Variants in IL5 observed in about 807,000 individuals in gnomAD.
IL5 encodes the protein interleukin-5.
IL5 carries 12 observed loss-of-function variants against 16.3 expected under a neutral mutation model. That is an observed-to-expected ratio of 0.74 (90% confidence interval 0.47 to 1.20). The LOEUF (loss-of-function observed/expected upper bound fraction) is 1.20, where lower values mean the gene tolerates loss of function less well. Ranked by LOEUF, IL5 falls within the 50% of genes most tolerant of loss-of-function variation. IL5 has a pLI of 0.00. For synonymous variants in IL5, 54 were observed against 56.6 expected (o/e 0.95, Z 0.21); for missense variants, 159 against 153.9 (o/e 1.03, Z -0.17).
chr5:132,552,543 GA>G (rs968327218), intron 1 of IL5, among the ~76,000 whole-genome samples: 7 of 151,994 alleles, frequency 4.6e-5, no homozygotes, highest in African/African-American at 1.7e-4. Context: ...TTACAAAGTT[GA>G]AATTTTTTTG....
chr5:132,543,136 A>G lies in IL5; in HGVS notation c.145-10T>C. ...CAGGAATCCTCAGAGTCTGGAGAGG[A>G]AAGGAAATACAATCATTTTTACAGC... is the stretch of plus-strand genomic sequence containing the variant. On this transcript the variant is annotated splice_polypyrimidine_tract_variant and intron_variant, in intron 1 of 3. Coordinates refer to ENST00000231454, the MANE Select transcript of IL5 (RefSeq NM_000879.3). 2 of 1,605,780 alleles carry G rather than the reference A, an allele frequency of 1.2e-6. No individual in the cohort carries two copies. Among genetic ancestry groups the G allele is most frequent in the Non-Finnish European group, 1.7e-6 (2 of 1,173,372 alleles).
rs374667414 is a variant in IL5, at chr5:132,543,174, A to C, written c.145-48T>G. 15 of 1,559,186 alleles carry C rather than the reference A, an allele frequency of 9.6e-6. No homozygotes were observed. In the African/African-American group the frequency reaches 1.9e-4, roughly 20 times the overall value. On this transcript the variant is annotated intron_variant, in intron 1 of 3. Coordinates refer to ENST00000231454, the MANE Select transcript of IL5 (RefSeq NM_000879.3). ...TCATTTTTACAGCACACCAGCATTC[A>C]TAACTTTTAACAGAATGTTTGCTGG... is the stretch of plus-strand genomic sequence containing the variant.
In IL5 at chr5:132,541,647, T is replaced by G. The variant is rs201159805; in HGVS notation, c.*164A>C. On this transcript the variant is annotated 3_prime_UTR_variant, in exon 4 of 4. Transcript: ENST00000231454. ...GATATCTGAAATATATTTTAAGAAT[T>G]TTATGCTTTCTGGCAAAGTGTCAGT... The G allele has an allele frequency of 5.7e-5, 29 of 505,106 alleles. No individual in the cohort carries two copies. Among genetic ancestry groups the G allele is most frequent in the Non-Finnish European group, 9.4e-5 (27 of 287,652 alleles). 31.3% of individuals were successfully genotyped at this position (505,106 alleles called of 1,614,324 possible).
rs1304051356 is a variant in IL5 at position 132,556,787 on chromosome 5, A to G, written c.-72T>C. On this transcript the variant is annotated 5_prime_UTR_variant, in exon 1 of 3. Transcript: ENST00000450655. ...GTCTTGGTCTCCCCTTCCAAAAGTC[A>G]GTGCCTCTCCAGGCTGCCCATCCCC... 3 of 1,198,720 alleles carry G rather than the reference A, an allele frequency of 2.5e-6. No individual in the cohort carries two copies. In the East Asian group the frequency reaches 1.5e-4, roughly 60 times the overall value. 74.3% of individuals were successfully genotyped at this position (1,198,720 alleles called of 1,614,324 possible). A position where few individuals can be genotyped will look rare whatever the true frequency, so the allele number is the denominator to read the frequency against.
At chr5:132,547,868 G>A (rs1444926848), upstream of IL5, among the ~76,000 whole-genome samples, 2 of 152,118 alleles carry the variant, frequency 1.3e-5, no homozygotes, top group Admixed American at 6.5e-5. Flanking sequence ...TCAGCAGTTC[G>A]AGACCAGCCT....
intron 1 of IL5, chr5:132,556,003 A>G (rs1213009630): frequency 6.6e-6 from 1 of 152,076 alleles, no homozygotes; most frequent in Non-Finnish European, 1.5e-5. Flanking sequence ...AACCTGGTAC[A>G]GCAAGAGACT....
chr5:132,544,495 C>T (rs2069810), upstream of IL5, among the ~76,000 whole-genome samples: 140,085 of 152,280 alleles, frequency 0.92, 65,421 homozygotes, highest in East Asian at 1. Context: ...CACAGATACA[C>T]AATACATGGA....
Position 132,541,676 on chromosome 5 carries a change from C to G in IL5, c.*135G>C. 1.8e-6 allele frequency: 1 copy of G among 546,684 alleles called. No homozygotes were observed. The highest frequency in any genetic ancestry group is 3.6e-5 in the Admixed American group (1 of 27,596). 33.9% of individuals were successfully genotyped at this position (546,684 alleles called of 1,614,324 possible). On this transcript the variant is annotated 3_prime_UTR_variant, in exon 4 of 4. Coordinates refer to ENST00000231454, the MANE Select transcript of IL5 (RefSeq NM_000879.3). ...TGCTTTCTGGCAAAGTGTCAGTATG[C>G]CTGAAATATTTACTTTCCCTCTGAA... is the stretch of plus-strand genomic sequence containing the variant.
exon 1 of IL5, chr5:132,556,714 A>T (rs1443918864): frequency 8.0e-7 from 1 of 1,246,570 alleles, no homozygotes; most frequent in South Asian, 1.5e-5. Flanking sequence ...CACTACCCCC[A>T]TTCCAGGAGT....
chr5:132,548,379 AAAAT>A (rs1749827312), upstream of IL5, among the ~76,000 whole-genome samples: 1 of 152,214 alleles, frequency 6.6e-6, no homozygotes, highest in African/African-American at 2.4e-5. Context: ...TGTAGACAGT[AAAAT>A]AAAGATTTGT....
At chr5:132,553,746 C>G (rs1749921464) in intron 1 of IL5, among the ~76,000 whole-genome samples, 1 of 151,642 alleles carries the variant, frequency 6.6e-6, no homozygotes. Context: ...ACCATCCTGG[C>G]TAACACGGTG....
chr5:132,541,936 G>A (rs200792858), intron 3 of IL5, 27 bp from the exon 4 acceptor site: 70 of 1,610,070 alleles, frequency 4.3e-5, no homozygotes, highest in Non-Finnish European at 5.5e-5. Flanking sequence ...ATGACAATAG[G>A]TATTACAGGA....
At chr5:132,554,622 A>G (rs960600401) in intron 1 of IL5, among the ~76,000 whole-genome samples, 1 of 152,226 alleles carries the variant, frequency 6.6e-6, no homozygotes, top group African/African-American at 2.4e-5. Flanking sequence ...ACCACTGTGG[A>G]AAACAGTATG....
In IL5 at chr5:132,541,884, C is replaced by A; in HGVS notation, c.332G>T (p.Arg111Ile). 1 of 1,613,888 alleles carries A rather than the reference C, an allele frequency of 6.2e-7. No homozygotes were observed. Among genetic ancestry groups the A allele is most frequent in the Non-Finnish European group, 8.5e-7 (1 of 1,179,844 alleles). Residue 111 changes from arginine to isoleucine, a missense_variant, in exon 4 of 4, where the codon AGA (arginine) becomes ATA (isoleucine). Physicochemically the swap from Arg to Ile is moderately conservative, Grantham distance 97. Transcript: ENST00000231454. ...QKKKCGEERR[R>I]VNQFLDYLQE... Reference sequence around the variant, plus strand: ...CAGGTAGTCTAGGAATTGGTTTACTCTCCGTCTTTCTTCTCCACACTTTTT... The same window carrying A: ...CAGGTAGTCTAGGAATTGGTTTACTATCCGTCTTTCTTCTCCACACTTTTT...
chr5:132,551,250 A>C (rs1749878328), intron 1 of IL5, among the ~76,000 whole-genome samples: 1 of 152,250 alleles, frequency 6.6e-6, no homozygotes, highest in Admixed American at 6.5e-5. Flanking sequence ...TCATTTATTA[A>C]AAGGCAAATA....
In IL5 at chr5:132,541,820, T is replaced by C. The variant is rs200541381; in HGVS notation, c.396A>G (p.Ile132Met). ...FLGVMNTEWI[I>M]ES ...ACAAACCAGTTTAGTCTCAACTTTC[T>C]ATTATCCACTCGGTGTTCATTACAC... Residue 132 changes from isoleucine (I) to methionine (M), a missense_variant, in exon 4 of 4, where the codon ATA (isoleucine) becomes ATG (methionine). Coordinates refer to ENST00000231454, the MANE Select transcript of IL5 (RefSeq NM_000879.3). 39 of 1,610,058 alleles carry C rather than the reference T, an allele frequency of 2.4e-5. No homozygotes were observed. The highest frequency in any genetic ancestry group is 3.3e-5 in the Non-Finnish European group (39 of 1,176,920).
chr5:132,547,742 A>G (rs1749816062), upstream of IL5, among the ~76,000 whole-genome samples: 1 of 152,118 alleles, frequency 6.6e-6, no homozygotes, highest in African/African-American at 2.4e-5. Flanking sequence ...CTTCTCTATA[A>G]ATCTAAAACT....
intron 1 of IL5, among the ~76,000 whole-genome samples, chr5:132,550,715 A>T (rs915231525): frequency 6.6e-6 from 1 of 152,186 alleles, no homozygotes; most frequent in African/African-American, 2.4e-5. Flanking sequence ...TAGCACCAGG[A>T]GATATATTTC....
At chr5:132,554,306 G>A (rs1197981172) in intron 1 of IL5, among the ~76,000 whole-genome samples, 3 of 144,616 alleles carry the variant, frequency 2.1e-5, no homozygotes, top group African/African-American at 5.1e-5. Context: ...GGTGGAGGTT[G>A]CAGTGAGCCA....
Sources: allele counts gnomAD v4.1 joint callset (sites outside exome capture counted in the v4.1 genomes callset), GRCh38; gene constraint gnomAD v4.1.1; transcripts MANE v1.5; gene names NCBI Gene and HGNC (gene_info 2026-07-23, HGNC 2026-07-21).